SCFD2: variants seen among roughly 807,000 people sequenced by gnomAD.
SCFD2 encodes the protein sec1 family domain-containing protein 2.
Under a neutral mutation model 58.9 loss-of-function variants are expected in SCFD2, and 54 were observed. The observed-to-expected ratio is 0.92, with a 90% CI of 0.74 to 1.15. The LOEUF is 1.15. SCFD2 is among the 50% of genes most tolerant of loss of function. The pLI is 0.00. For synonymous variants in SCFD2, 321 were observed against 335.9 expected, an observed-to-expected ratio of 0.96 and a Z score of 0.49; for missense variants, 805 against 836.6, an observed-to-expected ratio of 0.96 and a Z score of 0.47.
chr4:53,321,299 T>C (rs769613806), intron 2 of SCFD2, among the ~76,000 whole-genome samples: 1 of 152,092 alleles, frequency 6.6e-6, no homozygotes, highest in Non-Finnish European at 1.5e-5. Context: ...AAATGTCAAA[T>C]GCAGTCTGCT....
intron 4 of SCFD2, among the ~76,000 whole-genome samples, chr4:53,250,925 A>G (rs2149038888): frequency 6.6e-6 from 1 of 152,348 alleles, no homozygotes; most frequent in South Asian, 2.1e-4. Flanking sequence ...AGAGACACAA[A>G]AAACCCTTCA....
At chr4:52,917,224 A>G (rs1577825599) in intron 6 of SCFD2, among the ~76,000 whole-genome samples, 1 of 152,154 alleles carries the variant, frequency 6.6e-6, no homozygotes, top group Admixed American at 6.5e-5. Context: ...AGAGTTTTAT[A>G]CGTATTAATT....
rs544124520 is a variant in SCFD2 at position 53,293,836 on chromosome 4, A to T, written c.1135+19800T>A. On this transcript the variant is annotated intron_variant, in intron 3 of 8. Transcript: ENST00000401642. ...CATGGTGGTTTGCTGCACCCATCAA[A>T]CCACCATCTACATTAGTATTTCTCC... Among the ~76,000 whole-genome samples the T allele has an allele frequency of 2.0e-5, 3 of 151,424 alleles. No individual in the cohort carries two copies. In the South Asian group the frequency reaches 6.3e-4, roughly 32 times the overall value.
intron 8 of SCFD2, among the ~76,000 whole-genome samples, chr4:52,879,340 TGGG>T (rs1718551679): frequency 6.6e-6 from 1 of 152,150 alleles, no homozygotes; most frequent in Admixed American, 6.5e-5. Flanking sequence ...ATATGAGAAA[TGGG>T]GTTTTTAATG....
intron 4 of SCFD2, among the ~76,000 whole-genome samples, chr4:53,193,321 T>A (rs1727968954): frequency 6.6e-6 from 1 of 152,182 alleles, no homozygotes; most frequent in Non-Finnish European, 1.5e-5. Flanking sequence ...GCTTTAGGAT[T>A]CCAGACAGTC....
chr4:52,984,208 T>G (rs1721439531), intron 5 of SCFD2, among the ~76,000 whole-genome samples: 1 of 152,228 alleles, frequency 6.6e-6, no homozygotes, highest in African/African-American at 2.4e-5. Context: ...AAGGGCACCT[T>G]TTGTAAAACT....
At chr4:53,334,922 C>T (rs550381652) in intron 2 of SCFD2, among the ~76,000 whole-genome samples, 1 of 152,018 alleles carries the variant, frequency 6.6e-6, no homozygotes, top group Non-Finnish European at 1.5e-5. Flanking sequence ...ACAGGCAGGG[C>T]GCGATGGCTC....
At chr4:53,060,353 C>A (rs997002567) in intron 5 of SCFD2, among the ~76,000 whole-genome samples, 1 of 151,970 alleles carries the variant, frequency 6.6e-6, no homozygotes, top group Non-Finnish European at 1.5e-5. Context: ...TGAACGACCT[C>A]CAAATGTGGA....
At chr4:53,152,295 C>G (rs1259257986) in intron 4 of SCFD2, among the ~76,000 whole-genome samples, 1 of 151,768 alleles carries the variant, frequency 6.6e-6, no homozygotes, top group Middle Eastern at 3.4e-3. Flanking sequence ...CATCATTAAT[C>G]AACAGGAAAA....
chr4:53,313,880 G>T, intron 2 of SCFD2, 117 bp from the exon 3 acceptor site: 5 of 831,528 alleles, frequency 6.0e-6, no homozygotes, highest in Non-Finnish European at 9.4e-6. Flanking sequence ...CTTTCCTACT[G>T]ATAGACTCTA....
At chr4:53,273,607 T>TA (rs1731238740) in intron 4 of SCFD2, 1 of 434,992 alleles carries the variant, frequency 2.3e-6, no homozygotes, top group South Asian at 4.2e-5. Flanking sequence ...TCCTTGGTAT[T>TA]AAATGAGAAG....
intron 4 of SCFD2, among the ~76,000 whole-genome samples, chr4:53,201,929 T>A (rs1235751466): frequency 4.6e-5 from 7 of 152,206 alleles, no homozygotes; most frequent in African/African-American, 1.7e-4. Flanking sequence ...ATATTAGCCC[T>A]TTGTCAGATG....
chr4:53,199,722 A>G (rs771389205), intron 4 of SCFD2, among the ~76,000 whole-genome samples: 17 of 152,148 alleles, frequency 1.1e-4, no homozygotes, highest in Non-Finnish European at 2.1e-4. Flanking sequence ...GGAAAGGTGG[A>G]ATGACCAGAA....
chr4:53,122,947 T>G lies in SCFD2; in HGVS notation c.1561+22386A>C, dbSNP rs182727645. On this transcript the variant is annotated intron_variant, in intron 5 of 8. Transcript: ENST00000401642. ...TTATATTTTTAACATAATAAACTTA[T>G]GGCTTATTCATACAAAAAAATTAGG... Among the ~76,000 whole-genome samples the G allele has an allele frequency of 3.8e-3, 581 of 152,260 alleles. 2 individuals carry two copies. The highest frequency in any genetic ancestry group is 4.6e-3 in the Non-Finnish European group (315 of 68,030).
chr4:53,010,861 T>C (rs1438784687), intron 5 of SCFD2, among the ~76,000 whole-genome samples: 5 of 152,228 alleles, frequency 3.3e-5, no homozygotes, highest in East Asian at 1.9e-4. Flanking sequence ...TAGCAGCAGG[T>C]AGTGTAATCA....
In SCFD2 at chr4:53,198,520, T is replaced by A. The variant is rs536457179; in HGVS notation, c.1312-52938A>T. ...ATGAAGCCAGCAATTATTGTAATCA[T>A]GTTTAAATGCTATAAATTTTCAGTT... On this transcript the variant is annotated intron_variant, in intron 4 of 8. Transcript: ENST00000401642. Among the ~76,000 whole-genome samples the A allele has an allele frequency of 1.5e-4, 23 of 152,252 alleles. No homozygotes were observed. In the South Asian group the frequency reaches 4.8e-3, roughly 32 times the overall value.
At chr4:52,960,062 ATG>A (rs1720809633) in intron 5 of SCFD2, among the ~76,000 whole-genome samples, 1 of 152,162 alleles carries the variant, frequency 6.6e-6, no homozygotes, top group Non-Finnish European at 1.5e-5. Context: ...CTCTGAATTT[ATG>A]TTCCTATTTT....
chr4:53,193,065 T>G (rs1727960065), intron 4 of SCFD2, among the ~76,000 whole-genome samples: 1 of 152,158 alleles, frequency 6.6e-6, no homozygotes, highest in African/African-American at 2.4e-5. Flanking sequence ...CTTGTCAGAC[T>G]GCTAAACTGA....
At chr4:52,876,756 GAA>G (rs761229349) in intron 8 of SCFD2, among the ~76,000 whole-genome samples, 8,447 of 53,836 alleles carry the variant, frequency 0.16, 203 homozygotes, top group East Asian at 0.26. Context: ...TCTCTGTCTC[GAA>G]AAAAAAAAAA....
Sources: gnomAD v4.1 joint callset for allele counts (sites outside exome capture counted in the v4.1 genomes callset) on GRCh38, gnomAD v4.1.1 for gene constraint, MANE v1.5 for transcripts, NCBI Gene and HGNC (gene_info 2026-07-23, HGNC 2026-07-21) for gene names.